DHX58: variants seen among roughly 807,000 people sequenced by gnomAD.
DHX58 encodes the protein ATP-dependent RNA helicase DHX58.
A neutral mutation model predicts 65.0 loss-of-function variants in DHX58; 51 were observed. The observed-to-expected ratio is 0.78, with a 90% CI of 0.63 to 0.99. The LOEUF is 0.99. Among genes scored for constraint, DHX58 ranks in the 50% least tolerant of loss-of-function variants. The pLI, the probability that DHX58 is intolerant of heterozygous loss-of-function variation, is 0.00. For synonymous variants in DHX58, 350 were observed against 365.0 expected (o/e 0.96, Z 0.47); for missense variants, 773 against 891.8 (o/e 0.87, Z 1.70).
rs947180513 is a variant in DHX58 at position 42,102,218 on chromosome 17, C to T, written c.1849G>A (p.Glu617Lys). ...TGGGACGTGGCCTAAGCTCTTACCTCCCCACAGTTCCTGCAGCTGATGACA... is the reference window on the plus strand; with the variant it reads ...TGGGACGTGGCCTAAGCTCTTACCTTCCCACAGTTCCTGCAGCTGATGACA... The part of the protein sequence containing the change: ...GGVISCRNCG[E>K]VWGLQMIYKS... Residue 617 changes from glutamate (E) to lysine (K), a missense_variant and splice_region_variant, in exon 13 of 14, where the codon GAG becomes AAG. Transcript: ENST00000251642. 4 of 1,614,152 alleles carry T rather than the reference C, an allele frequency of 2.5e-6. No individual in the cohort carries two copies. The highest frequency in any genetic ancestry group is 3.4e-6 in the Non-Finnish European group (4 of 1,180,004).
Position 42,107,699 on chromosome 17 carries a change from T to A in DHX58, c.902A>T (p.Asp301Val). Reference protein sequence around the residue: ...LLIHDTVRAVDALAALQDFYH... With the variant: ...LLIHDTVRAVVALAALQDFYH... Reference sequence around the variant, plus strand: ...GAAATCCTGCAGCGCAGCCAAGGCATCCACGGCGCGGACGGTGTCATGGAT... The same window carrying A: ...GAAATCCTGCAGCGCAGCCAAGGCAACCACGGCGCGGACGGTGTCATGGAT... Residue 301 changes from aspartate to valine, a missense_variant, in exon 8 of 14, where the codon GAT (aspartate) becomes GTT (valine). Asp to Val is a radical substitution (Grantham distance 152). Transcript: ENST00000251642. The A allele has an allele frequency of 6.2e-7, 1 of 1,612,184 alleles. No homozygotes were observed. Among genetic ancestry groups the A allele is most frequent in the Non-Finnish European group, 8.5e-7 (1 of 1,179,228 alleles).
rs371054260 is a variant in DHX58 at position 42,110,698 on chromosome 17, G to T, written c.561+25C>A. 18 of 1,565,942 alleles carry T rather than the reference G, an allele frequency of 1.1e-5. No homozygotes were observed. In the African/African-American group the frequency reaches 2.4e-4, roughly 21 times the overall value. On this transcript the variant is annotated intron_variant, in intron 5 of 13. Coordinates refer to ENST00000251642, the MANE Select transcript of DHX58 (RefSeq NM_024119.3). ...GAAGTCCCTGGTGGGTCTGGCAGTG[G>T]GAGGCCCACAGGGGCCAGGCTGACC... is the stretch of plus-strand genomic sequence containing the variant.
At chr17:42,110,408 T>TG (rs1238779921) in intron 5 of DHX58, among the ~76,000 whole-genome samples, 1 of 151,856 alleles carries the variant, frequency 6.6e-6, no homozygotes, top group Non-Finnish European at 1.5e-5. Context: ...GTCCCCGAGA[T>TG]GGAACAAGCC....
At chr17:42,109,880 G>T (rs2054122096) in intron 5 of DHX58, among the ~76,000 whole-genome samples, 1 of 136,594 alleles carries the variant, frequency 7.3e-6, no homozygotes, top group Non-Finnish European at 1.5e-5. Flanking sequence ...GGGTAACAGA[G>T]ACTCCGTCTC....
chr17:42,104,157 A>G (rs1303533246), intron 11 of DHX58, among the ~76,000 whole-genome samples: 1 of 150,834 alleles, frequency 6.6e-6, no homozygotes, highest in Non-Finnish European at 1.5e-5. Flanking sequence ...CAGGAGGTGG[A>G]GATTGTGCCA....
Position 42,105,034 on chromosome 17 carries a change from T to C in DHX58, c.1385A>G (p.Glu462Gly). ...VVVRYGLLTN[E>G]ISMVQARGRA... ...TGTGAGTACCTGGACCATGGAGATT[T>C]CATTGGTCAAGAGCCCATAACGCAC... is the stretch of plus-strand genomic sequence containing the variant. Residue 462 changes from glutamate (E) to glycine (G), a missense_variant, in exon 10 of 14, where the codon GAA (glutamate) becomes GGA (glycine). Coordinates refer to ENST00000251642, the MANE Select transcript of DHX58 (RefSeq NM_024119.3). 4.3e-6 allele frequency: 7 copies of C among 1,613,428 alleles called. No individual in the cohort carries two copies. Among genetic ancestry groups the C allele is most frequent in the Non-Finnish European group, 5.9e-6 (7 of 1,179,862 alleles).
chr17:42,103,875 C>G (rs573135490), intron 11 of DHX58, 77 bp from the exon 12 acceptor site: 92 of 1,477,042 alleles, frequency 6.2e-5, no homozygotes, highest in Non-Finnish European at 1.6e-5. Flanking sequence ...TCCCAAAGAA[C>G]TAAGATCATT....
chr17:42,111,566 G>A, intron 3 of DHX58, 69 bp from the exon 4 acceptor site: 7 of 1,596,174 alleles, frequency 4.4e-6, no homozygotes, highest in Non-Finnish European at 6.0e-6. Context: ...GCGGTAAGGT[G>A]ACCCGCAGGA....
At chr17:42,102,183 C>T in intron 13 of DHX58, 33 bp downstream of exon 13, 1 of 1,610,986 alleles carries the variant, frequency 6.2e-7, no homozygotes, top group Admixed American at 1.7e-5. Context: ...GGGCTGAGGA[C>T]TCTGGGGCCT....
intron 5 of DHX58, 114 bp from the exon 6 acceptor site, chr17:42,109,500 T>C: frequency 1.2e-6 from 1 of 822,984 alleles, no homozygotes; most frequent in South Asian, 1.8e-5. Context: ...ATTCGTCTAC[T>C]CAAATATTGC....
chr17:42,108,562 A>G (rs1458312964), intron 6 of DHX58, among the ~76,000 whole-genome samples: 1 of 151,774 alleles, frequency 6.6e-6, no homozygotes, highest in Non-Finnish European at 1.5e-5. Context: ...CAGAGAGAGA[A>G]TAATGCTACT....
At chr17:42,106,025 G>A (rs781979399) in intron 8 of DHX58, 36 bp from the exon 9 acceptor site, 7 of 1,589,290 alleles carry the variant, frequency 4.4e-6, no homozygotes, top group Non-Finnish European at 6.0e-6. Context: ...GGGTGTAGTG[G>A]CACATGTCTG....
intron 11 of DHX58, 60 bp downstream of exon 11, chr17:42,104,706 G>A: frequency 1.9e-6 from 3 of 1,591,852 alleles, no homozygotes; most frequent in Non-Finnish European, 2.6e-6. Flanking sequence ...TCAGAAACCT[G>A]CCAGGGAGGG....
Position 42,109,363 on chromosome 17 carries a change from C to T in DHX58, c.585G>A (p.Trp195Ter). ...AGCAGTTCTGGGGTGACATGATGCA[C>T]CACGTGTCCAAGTTGGCACAGAGCT... ...VLQLCANLDT[W>*]CIMSPQNCCP... The change falls in exon 6 of 14, where the codon TGG becomes TGA. Residue 195 changes from tryptophan (W) to a stop codon, truncating the protein, a stop_gained. Coordinates refer to ENST00000251642, the MANE Select transcript of DHX58 (RefSeq NM_024119.3). LOFTEE classifies it high-confidence loss of function. 1 of 1,613,488 alleles carries T rather than the reference C, an allele frequency of 6.2e-7. No homozygotes were observed. Among genetic ancestry groups the T allele is most frequent in the South Asian group, 1.1e-5 (1 of 90,824 alleles).
rs1555661643 is a variant in DHX58 at position 42,101,959 on chromosome 17, CAG to C, written c.1852-15_1852-14del. The C allele has an allele frequency of 1.9e-6, 3 of 1,601,586 alleles. No homozygotes were observed. The highest frequency in any genetic ancestry group is 2.2e-5 in the East Asian group (1 of 44,594). On this transcript the variant is annotated splice_polypyrimidine_tract_variant and intron_variant, in intron 13 of 13. Transcript: ENST00000251642. ...GCAGACCCCAGACCTGGAGGTGAGA[CAG>C]AGAGGGTAGGGTCTGGGTCTCTGGC... is the stretch of plus-strand genomic sequence containing the variant.
At chr17:42,109,454 A>T (rs2054115203) in intron 5 of DHX58, 68 bp from the exon 6 acceptor site, 18 of 1,346,914 alleles carry the variant, frequency 1.3e-5, no homozygotes, top group Non-Finnish European at 1.9e-5. Flanking sequence ...GATTTGGGGC[A>T]GGATGGATCC....
At chr17:42,102,003 C>T (rs2053986733) in intron 13 of DHX58, 57 bp from the exon 14 acceptor site, 2 of 1,539,228 alleles carry the variant, frequency 1.3e-6, no homozygotes, top group Admixed American at 2.0e-5. Flanking sequence ...CTGGGCTTCT[C>T]TCCTCAAGTT....
Position 42,103,542 on chromosome 17 carries a change from A to G in DHX58, c.1754+66T>C, listed in dbSNP as rs2054008592. On this transcript the variant is annotated intron_variant, in intron 12 of 13. Coordinates refer to ENST00000251642, the MANE Select transcript of DHX58 (RefSeq NM_024119.3). ...ATGCTCTTTAGCTTCCCAAAGCTTC[A>G]AAGCACTGTCTGGATGGGAAGGATT... is the stretch of plus-strand genomic sequence containing the variant. 2.5e-6 allele frequency: 4 copies of G among 1,583,730 alleles called. No individual in the cohort carries two copies. In the East Asian group the frequency reaches 9.1e-5, roughly 36 times the overall value.
rs1401995664 is a variant in DHX58, at chr17:42,101,441, C to A, written c.*320G>T. The A allele has an allele frequency of 7.8e-6, 2 of 255,454 alleles. No individual in the cohort carries two copies. The highest frequency in any genetic ancestry group is 1.6e-4 in the South Asian group (1 of 6,312). The allele number at this position is 255,454 out of a possible 1,614,324, so 15.8% of individuals were successfully genotyped here. A position where few individuals can be genotyped will look rare whatever the true frequency, so the allele number is the denominator to read the frequency against. On this transcript the variant is annotated 3_prime_UTR_variant, in exon 14 of 14. Transcript: ENST00000251642. ...TTTTTTCATTTATTTTTATGAGGAG[C>A]CTCAAAAAATAGAAGTGGCCTTGGT...
Sources: gnomAD v4.1 joint callset for allele counts (sites outside exome capture counted in the v4.1 genomes callset) on GRCh38, gnomAD v4.1.1 for gene constraint, MANE v1.5 for transcripts, NCBI Gene and HGNC (gene_info 2026-07-23, HGNC 2026-07-21) for gene names.